MLKL: variants seen among roughly 807,000 people sequenced by gnomAD.
The protein encoded by MLKL is mixed lineage kinase domain-like protein.
Under a neutral mutation model 56.5 loss-of-function variants are expected in MLKL, and 55 were observed. That is an observed-to-expected ratio of 0.97 (90% CI 0.78 to 1.22). The LOEUF is 1.22. Among genes scored for constraint, MLKL ranks in the 50% most tolerant of loss-of-function variants. The pLI is 0.00. For missense variants in MLKL, 694 were observed against 573.9 expected (o/e 1.21, Z -2.14); for synonymous variants, 251 against 208.3 (o/e 1.20, Z -1.76).
At chr16:74,682,604 G>A (rs751606696) in intron 6 of MLKL, 47 bp downstream of exon 6, 2 of 1,608,338 alleles carry the variant, frequency 1.2e-6, no homozygotes, top group African/African-American at 1.3e-5. Context: ...TCAGGAGTGT[G>A]GACAGACCCA....
intron 6 of MLKL, 139 bp from the exon 7 acceptor site, chr16:74,679,119 G>C (rs931490860): frequency 4.6e-6 from 3 of 652,776 alleles, no homozygotes; most frequent in Non-Finnish European, 8.2e-6. Context: ...CTGGGATGTA[G>C]AGGCAAGGTT....
At chr16:74,697,305 G>A (rs533997077) in intron 1 of MLKL, among the ~76,000 whole-genome samples, 1 of 152,194 alleles carries the variant, frequency 6.6e-6, no homozygotes, top group Non-Finnish European at 1.5e-5. Context: ...TGACAACATT[G>A]AGCCACTGGT....
chr16:74,684,519 G>C (rs1597493832), intron 5 of MLKL, among the ~76,000 whole-genome samples: 1 of 149,414 alleles, frequency 6.7e-6, no homozygotes, highest in Non-Finnish European at 1.5e-5. Context: ...GTTTGAGACA[G>C]AGTCTCACTC....
At chr16:74,674,872 T>C in intron 10 of MLKL, 88 bp downstream of exon 10, 2 of 1,501,436 alleles carry the variant, frequency 1.3e-6, no homozygotes, top group Middle Eastern at 1.8e-4. Context: ...CGTTGTAAAC[T>C]ACTGCCTTGG....
chr16:74,700,056 A>G (rs1961291824), intron 1 of MLKL, among the ~76,000 whole-genome samples: 1 of 152,088 alleles, frequency 6.6e-6, no homozygotes, highest in South Asian at 2.1e-4. Flanking sequence ...ATGCAAATTC[A>G]CCTCTTCCCT....
At chr16:74,684,487 G>A (rs1339979354) in intron 5 of MLKL, among the ~76,000 whole-genome samples, 2 of 146,330 alleles carry the variant, frequency 1.4e-5, no homozygotes, top group African/African-American at 2.5e-5. Context: ...GAGGGGTAAA[G>A]TAATGGTTTT....
chr16:74,681,308 G>A (rs1312590360), intron 6 of MLKL, among the ~76,000 whole-genome samples: 1 of 152,160 alleles, frequency 6.6e-6, no homozygotes, highest in Non-Finnish European at 1.5e-5. Context: ...TTATGGGCGT[G>A]AGCCACTGGG....
chr16:74,691,565 A>G, intron 3 of MLKL, 102 bp from the exon 4 acceptor site: 2 of 1,280,834 alleles, frequency 1.6e-6, no homozygotes, highest in Admixed American at 2.2e-5. Context: ...GGGAAGCTCT[A>G]CTACATGAAC....
chr16:74,692,420 C>A lies in MLKL; in HGVS notation c.461-4G>T. The A allele has an allele frequency of 1.9e-6, 3 of 1,606,472 alleles. No homozygotes were observed. The highest frequency in any genetic ancestry group is 2.5e-6 in the Non-Finnish European group (3 of 1,177,538). ...GAAGCTTCTATTTTTTCATTATCTG[C>A]AGGAAAAAAGGGCAGTATATGCTCA... On this transcript the variant is annotated splice_polypyrimidine_tract_variant and splice_region_variant and intron_variant, in intron 2 of 10. Transcript: ENST00000308807.
intron 2 of MLKL, among the ~76,000 whole-genome samples, chr16:74,693,530 C>T (rs1467264176): frequency 6.7e-6 from 1 of 148,748 alleles, no homozygotes; most frequent in Non-Finnish European, 1.5e-5. Flanking sequence ...GATGGATGGT[C>T]GCGATGGTTT....
intron 6 of MLKL, among the ~76,000 whole-genome samples, chr16:74,681,228 G>A (rs1006387415): frequency 6.6e-5 from 10 of 151,960 alleles, no homozygotes; most frequent in Admixed American, 2.6e-4. Flanking sequence ...GTTTCGCCAC[G>A]TTGGCCAGGC....
At chr16:74,685,421 A>G in intron 5 of MLKL, 65 bp downstream of exon 5, 16 of 1,202,508 alleles carry the variant, frequency 1.3e-5, no homozygotes, top group South Asian at 1.3e-4. Flanking sequence ...AATGCAACAC[A>G]TTAAAACACA....
chr16:74,692,199 G>A (rs1399751916), intron 3 of MLKL, 143 bp downstream of exon 3: 15 of 707,368 alleles, frequency 2.1e-5, no homozygotes, highest in African/African-American at 3.6e-5. Context: ...AGCCATGAAT[G>A]GATCCCCAAA....
intron 2 of MLKL, among the ~76,000 whole-genome samples, chr16:74,694,632 G>C (rs888649361): frequency 6.6e-6 from 1 of 152,122 alleles, no homozygotes; most frequent in African/African-American, 2.4e-5. Context: ...GCTGGGCATT[G>C]TGGCGTGCAC....
intron 5 of MLKL, among the ~76,000 whole-genome samples, chr16:74,684,652 A>G (rs1815046850): frequency 6.6e-6 from 1 of 150,908 alleles, no homozygotes; most frequent in Non-Finnish European, 1.5e-5. Flanking sequence ...GTGCCACCAC[A>G]TCCGGCTAAT....
In MLKL at chr16:74,685,661, G is replaced by A; in HGVS notation, c.723-78C>T. The A allele has an allele frequency of 6.2e-6, 7 of 1,120,794 alleles. No individual in the cohort carries two copies. In the Admixed American group the frequency reaches 1.3e-4, roughly 21 times the overall value. The allele number at this position is 1,120,794 out of a possible 1,614,324, so 69.4% of individuals were successfully genotyped here. On this transcript the variant is annotated intron_variant, in intron 4 of 10. Coordinates refer to ENST00000308807, the MANE Select transcript of MLKL (RefSeq NM_152649.4). ...AGAACATTCAGTGTGGTGACCCTCT[G>A]TGTATGTGGGGGCGGGGGTATCAGC...
At chr16:74,698,428 A>G (rs555389185) in intron 1 of MLKL, among the ~76,000 whole-genome samples, 1 of 152,262 alleles carries the variant, frequency 6.6e-6, no homozygotes, top group South Asian at 2.1e-4. Context: ...CAATCGATAT[A>G]GTTGTGTTTT....
At chr16:74,686,162 A>G (rs933069852) in intron 4 of MLKL, among the ~76,000 whole-genome samples, 1 of 152,030 alleles carries the variant, frequency 6.6e-6, no homozygotes, top group African/African-American at 2.4e-5. Flanking sequence ...TGATTTCACC[A>G]TGTTGGCCAG....
chr16:74,695,946 T>C (rs1274873015), intron 1 of MLKL, among the ~76,000 whole-genome samples, 187 bp from the exon 2 acceptor site: 1 of 152,212 alleles, frequency 6.6e-6, no homozygotes, highest in African/African-American at 2.4e-5. Context: ...AATAGAGTTG[T>C]AGCTGGGAAG....
Sources: allele counts gnomAD v4.1 joint callset (sites outside exome capture counted in the v4.1 genomes callset), GRCh38; gene constraint gnomAD v4.1.1; transcripts MANE v1.5; gene names NCBI Gene and HGNC (gene_info 2026-07-23, HGNC 2026-07-21).